The following DNAJC15 variants were observed in gnomAD, a reference collection of about 807,000 sequenced individuals.
DNAJC15 encodes DnaJ heat shock protein family (Hsp40) member C15.
In DNAJC15, 27 loss-of-function variants were observed where a neutral mutation model predicts 22.4. The ratio of observed to expected loss-of-function variants is 1.20; its 90% confidence interval spans 0.89 to 1.66. DNAJC15 has a LOEUF of 1.66. Ranked by LOEUF, DNAJC15 falls within the 40% of genes most tolerant of loss-of-function variation. The pLI is 0.00. For synonymous variants in DNAJC15, 79 were observed against 63.2 expected (o/e 1.25, Z -1.19); for missense variants, 208 against 187.1 (o/e 1.11, Z -0.65).
At chr13:43,042,937 C>G (rs956615278) in intron 1 of DNAJC15, among the ~76,000 whole-genome samples, 6 of 152,090 alleles carry the variant, frequency 3.9e-5, no homozygotes, top group African/African-American at 1.2e-4. Context: ...TCACCATGTT[C>G]CTGGGTTCAA....
chr13:43,039,628 CAAT>C (rs1343566446), intron 1 of DNAJC15, among the ~76,000 whole-genome samples: 2 of 152,104 alleles, frequency 1.3e-5, no homozygotes, highest in Admixed American at 1.3e-4. Context: ...AATTTCAGTA[CAAT>C]AATAAAATGA....
At chr13:43,095,333 T>A (rs568053023) in intron 5 of DNAJC15, among the ~76,000 whole-genome samples, 5 of 152,282 alleles carry the variant, frequency 3.3e-5, no homozygotes, top group African/African-American at 1.2e-4. Flanking sequence ...ATTAGGTAGA[T>A]GGTGGAGCTA....
At chr13:43,058,288 C>T (rs1401595036) in intron 1 of DNAJC15, among the ~76,000 whole-genome samples, 1 of 152,148 alleles carries the variant, frequency 6.6e-6, no homozygotes, top group Non-Finnish European at 1.5e-5. Flanking sequence ...CCTAAGATCA[C>T]CTGGATAAGT....
chr13:43,058,741 C>T (rs968660993), intron 1 of DNAJC15, among the ~76,000 whole-genome samples: 14 of 152,194 alleles, frequency 9.2e-5, no homozygotes, highest in African/African-American at 3.1e-4. Context: ...AGTGGCAACC[C>T]TCCCGAAGGA....
chr13:43,085,745 A>T, intron 4 of DNAJC15, 23 bp from the exon 5 acceptor site: 1 of 1,597,392 alleles, frequency 6.3e-7, no homozygotes, highest in Non-Finnish European at 8.5e-7. Context: ...ATTTATTATA[A>T]GCACTGTAAT....
chr13:43,064,000 T>G (rs1200054422), intron 1 of DNAJC15, among the ~76,000 whole-genome samples: 1 of 152,210 alleles, frequency 6.6e-6, no homozygotes, highest in African/African-American at 2.4e-5. Context: ...AGGAATAACC[T>G]ATTTCAGGCA....
intron 5 of DNAJC15, among the ~76,000 whole-genome samples, chr13:43,088,839 G>GT (rs5803164): frequency 1.5e-3 from 217 of 144,176 alleles, no homozygotes; most frequent in Non-Finnish European, 2.5e-3. Context: ...AATTAACTTG[G>GT]TTTTTTTTTT....
chr13:43,029,669 GTT>G (rs952177273), intron 1 of DNAJC15, among the ~76,000 whole-genome samples: 1 of 151,546 alleles, frequency 6.6e-6, no homozygotes, highest in Non-Finnish European at 1.5e-5. Flanking sequence ...TGTTATTTTG[GTT>G]TTTTTAGTGG....
At chr13:43,102,831 A>G (rs1000061408) in intron 5 of DNAJC15, among the ~76,000 whole-genome samples, 1 of 152,018 alleles carries the variant, frequency 6.6e-6, no homozygotes, top group African/African-American at 2.4e-5. Flanking sequence ...AGGGTTTGTT[A>G]TCAAAGATAT....
intron 1 of DNAJC15, among the ~76,000 whole-genome samples, chr13:43,027,757 C>T (rs960286418): frequency 4.6e-5 from 7 of 151,842 alleles, no homozygotes; most frequent in African/African-American, 1.7e-4. Flanking sequence ...CACAGGTTCA[C>T]CTGAGTCTCC....
chr13:43,070,936 T>C (rs982607448), intron 3 of DNAJC15, among the ~76,000 whole-genome samples: 1 of 152,142 alleles, frequency 6.6e-6, no homozygotes. Flanking sequence ...GGGTGATAGA[T>C]GATGGTGGCT....
At chr13:43,085,706 C>A (rs1418260304) in intron 4 of DNAJC15, 62 bp from the exon 5 acceptor site, 1 of 1,427,634 alleles carries the variant, frequency 7.0e-7, no homozygotes, top group Non-Finnish European at 9.7e-7. Context: ...CCCATATAAA[C>A]CCTTAATTTA....
intron 1 of DNAJC15, among the ~76,000 whole-genome samples, chr13:43,034,056 G>T (rs2040416203): frequency 6.7e-6 from 1 of 149,578 alleles, no homozygotes. Context: ...AAAATGACTT[G>T]CCAGTTTCAT....
intron 1 of DNAJC15, among the ~76,000 whole-genome samples, chr13:43,036,593 C>G (rs565911763): frequency 1.3e-5 from 2 of 152,334 alleles, no homozygotes; most frequent in East Asian, 3.9e-4. Flanking sequence ...CAGGCCAGTC[C>G]TAGCTTGAAG....
chr13:43,043,063 G>A (rs1457586222), intron 1 of DNAJC15, among the ~76,000 whole-genome samples: 2 of 152,138 alleles, frequency 1.3e-5, no homozygotes, highest in Non-Finnish European at 2.9e-5. Flanking sequence ...AAGATTTTCT[G>A]ACCAGTCACA....
chr13:43,068,801 GTAAGTTTTGAAATAC>G, intron 2 of DNAJC15, 114 bp from the exon 3 acceptor site: 1 of 716,014 alleles, frequency 1.4e-6, no homozygotes, highest in Non-Finnish European at 2.0e-6. Flanking sequence ...CATCTTTCTG[GTAAGTTTTGAAATAC>G]TTATTGCAAT....
In DNAJC15 at chr13:43,112,104, C is replaced by T. The variant is rs1490108256; in HGVS notation, c.*4856C>T. On this transcript the variant is annotated 3_prime_UTR_variant, in exon 6 of 6. Coordinates refer to ENST00000379221, the MANE Select transcript of DNAJC15 (RefSeq NM_013238.3). ...GTTCCTTCTAATGATTTTTTATGAGCTGAGTAGCTATTGTTCCCAGCTGAG... is the reference window on the plus strand; with the variant it reads ...GTTCCTTCTAATGATTTTTTATGAGTTGAGTAGCTATTGTTCCCAGCTGAG... 6.6e-6 allele frequency: 1 copy of T among 152,190 alleles called. No individual in the cohort carries two copies. Among genetic ancestry groups the T allele is most frequent in the Non-Finnish European group, 1.5e-5 (1 of 68,026 alleles). The allele number at this position is 152,190 out of a possible 1,614,324, so 9.4% of individuals were successfully genotyped here. A position where few individuals can be genotyped will look rare whatever the true frequency, so the allele number is the denominator to read the frequency against.
intron 1 of DNAJC15, among the ~76,000 whole-genome samples, chr13:43,036,995 C>T (rs1422767347): frequency 2.0e-5 from 3 of 152,120 alleles, no homozygotes; most frequent in East Asian, 1.9e-4. Flanking sequence ...TGCGGTTGGG[C>T]GGCTGCAGCT....
In DNAJC15 at chr13:43,083,739, G is replaced by A. The variant is rs115451553; in HGVS notation, c.312-2029G>A. 5.2e-3 allele frequency among the ~76,000 whole-genome samples: 787 copies of A among 152,154 alleles called. 5 individuals carry two copies. Among genetic ancestry groups the A allele is most frequent in the African/African-American group, 0.018 (739 of 41,496 alleles). On this transcript the variant is annotated intron_variant, in intron 4 of 5. Coordinates refer to ENST00000379221, the MANE Select transcript of DNAJC15 (RefSeq NM_013238.3). ...AAACAGTATAGTGTTCATACCTCTG[G>A]TATGATGTTTAACAGTTATTTTCTC...
Sources: allele counts gnomAD v4.1 joint callset (sites outside exome capture counted in the v4.1 genomes callset), GRCh38; gene constraint gnomAD v4.1.1; transcripts MANE v1.5; gene names NCBI Gene and HGNC (gene_info 2026-07-23, HGNC 2026-07-21).